The following SSH2 variants were observed in gnomAD, a reference collection of about 807,000 sequenced individuals.
SSH2 encodes slingshot protein phosphatase 2.
SSH2 carries 37 observed loss-of-function variants against 135.2 expected under a neutral mutation model. That is an observed-to-expected ratio of 0.27 (90% CI 0.21 to 0.36). SSH2 has a LOEUF of 0.36. SSH2 is among the 10% of genes least tolerant of loss of function. The pLI is 1.00. For synonymous variants in SSH2, 628 were observed against 646.2 expected (o/e 0.97, Z 0.43); for missense variants, 1,408 against 1,765.3 (o/e 0.80, Z 3.63).
intron 1 of SSH2, among the ~76,000 whole-genome samples, chr17:29,881,170 T>C (rs1307248004): frequency 6.6e-6 from 1 of 152,200 alleles, no homozygotes; most frequent in Non-Finnish European, 1.5e-5. Context: ...TTATCACAAA[T>C]GAAATGTAAG....
intron 7 of SSH2, 74 bp from the exon 8 acceptor site, chr17:29,676,959 G>A (rs755484302): frequency 1.5e-6 from 2 of 1,298,052 alleles, no homozygotes; most frequent in Non-Finnish European, 2.2e-6. Flanking sequence ...TTTCATGGAT[G>A]TATCCCAGGC....
intron 1 of SSH2, among the ~76,000 whole-genome samples, chr17:29,876,368 A>T (rs192039019): frequency 6.6e-6 from 1 of 152,320 alleles, no homozygotes; most frequent in Non-Finnish European, 1.5e-5. Flanking sequence ...TTTTTGGGAA[A>T]GGTGTCAAGA....
chr17:29,695,601 C>T (rs763324820), intron 4 of SSH2, 78 bp from the exon 5 acceptor site: 9 of 1,318,780 alleles, frequency 6.8e-6, no homozygotes, highest in Non-Finnish European at 9.6e-6. Context: ...ACTTTAGTGA[C>T]TTTTGTAAAA....
At chr17:29,720,066 C>T (rs2039769132) in intron 3 of SSH2, among the ~76,000 whole-genome samples, 1 of 152,152 alleles carries the variant, frequency 6.6e-6, no homozygotes, top group African/African-American at 2.4e-5. Flanking sequence ...GCCTACAGGC[C>T]TATTTTCAAG....
chr17:29,740,718 C>T (rs1381728238), intron 3 of SSH2, among the ~76,000 whole-genome samples: 1 of 152,112 alleles, frequency 6.6e-6, no homozygotes, highest in Non-Finnish European at 1.5e-5. Context: ...TAGTCCTAGT[C>T]ATTAAAATAA....
At chr17:29,869,719 A>G (rs1409321849) in intron 1 of SSH2, among the ~76,000 whole-genome samples, 1 of 152,238 alleles carries the variant, frequency 6.6e-6, no homozygotes, top group Non-Finnish European at 1.5e-5. Context: ...TTCCTCTGAA[A>G]AGAAAATTGC....
At chr17:29,859,053 G>A (rs1471421503) in intron 1 of SSH2, among the ~76,000 whole-genome samples, 2 of 152,084 alleles carry the variant, frequency 1.3e-5, no homozygotes, top group Admixed American at 6.6e-5. Context: ...CCAAAACTAT[G>A]AGAAAATAAA....
intron 2 of SSH2, among the ~76,000 whole-genome samples, chr17:29,839,477 C>T (rs1437669700): frequency 6.6e-6 from 1 of 152,174 alleles, no homozygotes; most frequent in African/African-American, 2.4e-5. Flanking sequence ...TCTTCCTTCC[C>T]TGTACTTCCA....
chr17:29,844,193 C>A (rs2043092478), intron 2 of SSH2, among the ~76,000 whole-genome samples: 1 of 152,016 alleles, frequency 6.6e-6, no homozygotes, highest in Non-Finnish European at 1.5e-5. Context: ...ACAAACCAAG[C>A]AAAGGAATGA....
chr17:29,879,500 T>C (rs1461113778), intron 1 of SSH2, among the ~76,000 whole-genome samples: 3 of 152,058 alleles, frequency 2.0e-5, no homozygotes, highest in Non-Finnish European at 4.4e-5. Flanking sequence ...GCCTCCCCCA[T>C]TATCAACATC....
intron 1 of SSH2, among the ~76,000 whole-genome samples, chr17:29,885,869 C>T (rs2066228689): frequency 1.3e-5 from 2 of 152,296 alleles, no homozygotes; most frequent in Admixed American, 1.3e-4. Context: ...CTTCCTTATT[C>T]TTCCACCATG....
At chr17:29,762,181 AG>A (rs2041338955) in intron 3 of SSH2, among the ~76,000 whole-genome samples, 1 of 140,000 alleles carries the variant, frequency 7.1e-6, no homozygotes, top group Admixed American at 7.2e-5. Flanking sequence ...GCTCCCGGCA[AG>A]ATTTTTTTTT....
chr17:29,668,185 TC>T (rs1223087974), intron 9 of SSH2, among the ~76,000 whole-genome samples: 2 of 152,232 alleles, frequency 1.3e-5, no homozygotes, highest in Non-Finnish European at 2.9e-5. Context: ...TACAGCCTTA[TC>T]ACTGGTTGCA....
intron 2 of SSH2, among the ~76,000 whole-genome samples, chr17:29,798,392 C>T (rs947475716): frequency 2.6e-5 from 4 of 151,862 alleles, no homozygotes; most frequent in African/African-American, 9.7e-5. Context: ...CTCCTGACCT[C>T]GTGATCTGCC....
intron 3 of SSH2, among the ~76,000 whole-genome samples, chr17:29,704,943 C>T (rs1400651288): frequency 6.6e-6 from 1 of 152,100 alleles, no homozygotes; most frequent in Non-Finnish European, 1.5e-5. Flanking sequence ...GGTTAGCTAG[C>T]AGACTGTAAA....
intron 3 of SSH2, among the ~76,000 whole-genome samples, chr17:29,747,234 A>T (rs2040793054): frequency 6.6e-6 from 1 of 152,186 alleles, no homozygotes; most frequent in African/African-American, 2.4e-5. Context: ...AAATCAAATA[A>T]TTCTACTTCT....
chr17:29,691,196 C>A (rs1439695970), intron 5 of SSH2, among the ~76,000 whole-genome samples: 3 of 152,120 alleles, frequency 2.0e-5, no homozygotes, highest in Non-Finnish European at 4.4e-5. Context: ...TAAAACTTCT[C>A]ATTTTCTTGA....
intron 3 of SSH2, among the ~76,000 whole-genome samples, chr17:29,772,246 CTTTT>C (rs373494083): frequency 1.5e-5 from 2 of 136,398 alleles, no homozygotes; most frequent in Non-Finnish European, 3.2e-5. Flanking sequence ...AAAATCAGGT[CTTTT>C]TTTTTTTTTT....
chr17:29,662,787 A>AT (rs1247611407), intron 11 of SSH2, among the ~76,000 whole-genome samples: 2 of 152,128 alleles, frequency 1.3e-5, no homozygotes, highest in African/African-American at 4.8e-5. Context: ...CCTAGGCTGA[A>AT]TTTTTTTATG....
Sources: gnomAD v4.1 joint callset for allele counts (sites outside exome capture counted in the v4.1 genomes callset) on GRCh38, gnomAD v4.1.1 for gene constraint, MANE v1.5 for transcripts, NCBI Gene and HGNC (gene_info 2026-07-23, HGNC 2026-07-21) for gene names.